FAM107B: variants seen among roughly 807,000 people sequenced by gnomAD.
FAM107B encodes the protein protein FAM107B.
In FAM107B, 21 loss-of-function variants were observed where a neutral mutation model predicts 31.5. The observed-to-expected ratio is 0.67, with a 90% CI of 0.47 to 0.96. The LOEUF (loss-of-function observed/expected upper bound fraction) is 0.96, where lower values mean the gene tolerates loss of function less well. FAM107B is among the 40% of genes least tolerant of loss of function. FAM107B has a pLI of 0.00. For synonymous variants in FAM107B, 157 were observed against 141.5 expected, an observed-to-expected ratio of 1.11 and a Z score of -0.78; for missense variants, 452 against 377.1, an observed-to-expected ratio of 1.20 and a Z score of -1.64.
intron 2 of FAM107B, among the ~76,000 whole-genome samples, chr10:14,530,789 C>T (rs946282398): frequency 4.6e-5 from 7 of 152,170 alleles, no homozygotes; most frequent in African/African-American, 1.4e-4. Flanking sequence ...ACTTGGGTTC[C>T]GGTCACAAAG....
At chr10:14,660,247 G>T (rs1854197082) in intron 2 of FAM107B, among the ~76,000 whole-genome samples, 2 of 152,112 alleles carry the variant, frequency 1.3e-5, no homozygotes, top group Admixed American at 1.3e-4. Context: ...TTCTGGAATG[G>T]TACACTTATT....
chr10:14,714,915 C>T (rs933923443), intron 1 of FAM107B, among the ~76,000 whole-genome samples: 1 of 152,108 alleles, frequency 6.6e-6, no homozygotes, highest in Admixed American at 6.5e-5. Context: ...ATCCTCAAGG[C>T]AGGAGACTAG....
intron 1 of FAM107B, among the ~76,000 whole-genome samples, chr10:14,687,930 A>T (rs1855029711): frequency 6.6e-6 from 1 of 152,170 alleles, no homozygotes; most frequent in Non-Finnish European, 1.5e-5. Flanking sequence ...ACTTGATTGG[A>T]TTGAAGGATG....
intron 1 of FAM107B, among the ~76,000 whole-genome samples, chr10:14,767,866 G>T (rs575614576): frequency 1.4e-5 from 2 of 139,602 alleles, no homozygotes; most frequent in Non-Finnish European, 3.0e-5. Context: ...AATTGGAAAA[G>T]AAGAAGTAAA....
rs1221544709 is a variant in FAM107B, at chr10:14,629,453, T to TAACAC, written c.469+38180_469+38181insGTGTT. Among the ~76,000 whole-genome samples the TAACAC allele has an allele frequency of 9.3e-5, 4 of 42,862 alleles. 1 individual carries two copies. Among genetic ancestry groups the TAACAC allele is most frequent in the Non-Finnish European group, 1.7e-4 (4 of 23,422 alleles). 28.1% of individuals were successfully genotyped at this position (42,862 alleles called of 152,430 possible). On this transcript the variant is annotated intron_variant, in intron 2 of 4. Coordinates refer to ENST00000181796, the MANE Select transcript of FAM107B (RefSeq NM_031453.4). ...ATATATATTATATATATATTATATA[T>TAACAC]ATATTATATATATATTTAATATATA...
intron 1 of FAM107B, among the ~76,000 whole-genome samples, chr10:14,691,178 G>A (rs1227947443): frequency 2.0e-5 from 3 of 152,138 alleles, no homozygotes; most frequent in Non-Finnish European, 1.5e-5. Context: ...TGGGATTACA[G>A]GCATGAGCCC....
intron 1 of FAM107B, among the ~76,000 whole-genome samples, chr10:14,741,146 G>A (rs1856427206): frequency 1.3e-5 from 2 of 152,132 alleles, no homozygotes; most frequent in South Asian, 4.1e-4. Flanking sequence ...CAGAATCAGG[G>A]TACCAGGTGA....
intron 2 of FAM107B, among the ~76,000 whole-genome samples, chr10:14,583,934 T>A (rs555988728): frequency 6.6e-6 from 1 of 152,204 alleles, no homozygotes; most frequent in Non-Finnish European, 1.5e-5. Context: ...CCGTTGTTCA[T>A]AGGAGTGTTT....
intron 2 of FAM107B, among the ~76,000 whole-genome samples, chr10:14,563,180 C>T (rs1255281113): frequency 1.3e-5 from 2 of 152,132 alleles, no homozygotes; most frequent in Non-Finnish European, 2.9e-5. Context: ...GGGTTTTACA[C>T]GTAGAAGGCA....
At chr10:14,555,887 C>T (rs1228189808) in intron 2 of FAM107B, 2 of 97,270 alleles carry the variant, frequency 2.1e-5, no homozygotes, top group Non-Finnish European at 4.3e-5. Flanking sequence ...AACTTGCAGA[C>T]ATCTTTAACA....
At chr10:14,743,332 C>A (rs1832660267) in intron 1 of FAM107B, among the ~76,000 whole-genome samples, 1 of 152,086 alleles carries the variant, frequency 6.6e-6, no homozygotes, top group South Asian at 2.1e-4. Context: ...ATGATAGTTT[C>A]TTTTGCTGTG....
intron 2 of FAM107B, among the ~76,000 whole-genome samples, chr10:14,639,276 A>T (rs1181977307): frequency 6.6e-6 from 1 of 152,174 alleles, no homozygotes; most frequent in Non-Finnish European, 1.5e-5. Flanking sequence ...TCTCTGACTA[A>T]CCAAGCCAAA....
intron 1 of FAM107B, among the ~76,000 whole-genome samples, chr10:14,716,058 G>A (rs1163783980): frequency 6.6e-6 from 1 of 152,170 alleles, no homozygotes; most frequent in Non-Finnish European, 1.5e-5. Context: ...AGATATTCCT[G>A]ATGAGACTGG....
At chr10:14,614,088 G>A (rs866372835) in intron 2 of FAM107B, among the ~76,000 whole-genome samples, 6 of 152,074 alleles carry the variant, frequency 3.9e-5, no homozygotes, top group African/African-American at 1.2e-4. Flanking sequence ...CCAAGATCGC[G>A]CCACTGCATT....
intron 2 of FAM107B, among the ~76,000 whole-genome samples, chr10:14,660,151 C>T (rs1218495104): frequency 6.6e-6 from 1 of 152,160 alleles, no homozygotes; most frequent in African/African-American, 2.4e-5. Context: ...GGATTCTCCC[C>T]TCGTATGACC....
intron 2 of FAM107B, among the ~76,000 whole-genome samples, chr10:14,595,856 T>A (rs1852172583): frequency 6.6e-6 from 1 of 152,100 alleles, no homozygotes; most frequent in Non-Finnish European, 1.5e-5. Context: ...CTCCAATCCA[T>A]CTCACCAGCG....
intron 1 of FAM107B, among the ~76,000 whole-genome samples, chr10:14,669,265 G>C (rs1854482236): frequency 6.6e-6 from 1 of 151,758 alleles, no homozygotes; most frequent in African/African-American, 2.4e-5. Context: ...AGCTACTCGG[G>C]AGGCTGCGGC....
chr10:14,535,485 T>G (rs983956097), intron 2 of FAM107B, among the ~76,000 whole-genome samples: 7 of 152,214 alleles, frequency 4.6e-5, no homozygotes, highest in Admixed American at 2.6e-4. Context: ...TTTGATTTCT[T>G]CAAAACTGTA....
chr10:14,675,880 C>T (rs531455649), intron 1 of FAM107B, among the ~76,000 whole-genome samples: 65 of 152,220 alleles, frequency 4.3e-4, no homozygotes, highest in Middle Eastern at 3.4e-3. Flanking sequence ...TCCAGCAGCC[C>T]GGTGCAGTGA....
Sources: gnomAD v4.1 joint callset for allele counts (sites outside exome capture counted in the v4.1 genomes callset) on GRCh38, gnomAD v4.1.1 for gene constraint, MANE v1.5 for transcripts, NCBI Gene and HGNC (gene_info 2026-07-23, HGNC 2026-07-21) for gene names.